The following USP25 variants were observed in gnomAD, a reference collection of about 807,000 sequenced individuals.
USP25 encodes the protein ubiquitin specific peptidase 25, also known as ubiquitin carboxyl-terminal hydrolase 25.
A neutral mutation model predicts 158.5 loss-of-function variants in USP25; 85 were observed. The observed-to-expected ratio is 0.54, with a 90% CI of 0.45 to 0.64. The LOEUF (loss-of-function observed/expected upper bound fraction) is 0.64. USP25 is among the 30% of genes least tolerant of loss of function. The probability of loss-of-function intolerance (pLI) is 0.00; values close to 1 mark genes in which losing one functional copy is unlikely to be tolerated. For missense variants in USP25, 1,242 were observed against 1,327.3 expected, an observed-to-expected ratio of 0.94 and a Z score of 1.00; for synonymous variants, 464 against 460.4, an observed-to-expected ratio of 1.01 and a Z score of -0.10.
intron 1 of USP25, among the ~76,000 whole-genome samples, chr21:15,759,521 AC>A (rs2033600846): frequency 6.6e-6 from 1 of 152,218 alleles, no homozygotes. Flanking sequence ...AGGTCTGGTC[AC>A]AGGGTGGCTT....
In USP25 at chr21:15,737,542, C is replaced by A. The variant is rs762221832; in HGVS notation, c.45+7104C>A. ...TCATCTTGAATCCTCTGTTCATCTT[C>A]CTGTTGATTTATTGCATCTATATCA... On this transcript the variant is annotated intron_variant, in intron 1 of 25. Coordinates refer to ENST00000400183, the MANE Select transcript of USP25 (RefSeq NM_001283041.3). 2.6e-5 allele frequency among the ~76,000 whole-genome samples: 4 copies of A among 152,074 alleles called. No individual in the cohort carries two copies. The East Asian group carries it at 7.7e-4, about 29-fold the overall frequency.
Position 15,877,938 on chromosome 21 carries a change from C to G in USP25, c.3152C>G (p.Ala1051Gly). ...GAAATGGAAGAAAAGGATATACTAG[C>G]TGTAGAAGATATGAGAAATCGATGG... ...VDEMEEKDIL[A>G]VEDMRNRWCS... The change falls in exon 25 of 26, where the codon GCT (alanine) becomes GGT (glycine). Residue 1051 changes from alanine to glycine, a missense_variant. Ala to Gly is a moderately conservative substitution (Grantham distance 60, BLOSUM62 0). Transcript: ENST00000400183. The G allele has an allele frequency of 6.2e-7, 1 of 1,613,276 alleles. No individual in the cohort carries two copies. Among genetic ancestry groups the G allele is most frequent in the Non-Finnish European group, 8.5e-7 (1 of 1,179,690 alleles).
chr21:15,782,317 G>T (rs1044143840), intron 4 of USP25, among the ~76,000 whole-genome samples: 5 of 152,204 alleles, frequency 3.3e-5, no homozygotes, highest in African/African-American at 1.2e-4. Context: ...TGTACCACTG[G>T]AGGATTGTGC....
chr21:15,755,042 A>C (rs2033284796), intron 1 of USP25, among the ~76,000 whole-genome samples: 1 of 152,208 alleles, frequency 6.6e-6, no homozygotes, highest in African/African-American at 2.4e-5. Flanking sequence ...CTTTAAAGAC[A>C]GTATAATGAA....
intron 21 of USP25, among the ~76,000 whole-genome samples, chr21:15,865,630 A>T (rs1357222380): frequency 6.6e-6 from 1 of 152,164 alleles, no homozygotes; most frequent in Non-Finnish European, 1.5e-5. Flanking sequence ...CAGTGTACTG[A>T]GTTCCATTGG....
At chr21:15,870,984 G>A (rs1028970163) in intron 23 of USP25, among the ~76,000 whole-genome samples, 2 of 152,082 alleles carry the variant, frequency 1.3e-5, no homozygotes, top group African/African-American at 2.4e-5. Context: ...CGGTTACACC[G>A]GCCACGTTTC....
intron 22 of USP25, among the ~76,000 whole-genome samples, chr21:15,869,829 TTTA>T (rs1377737627): frequency 3.9e-5 from 6 of 152,192 alleles, no homozygotes; most frequent in African/African-American, 1.4e-4. Flanking sequence ...TAGTAAAATC[TTTA>T]TTGTTTAAAA....
rs750185312 is a variant in USP25, at chr21:15,818,789, G to T, written c.1023G>T (p.Met341Ile). ...KDLHECLEAA[M>I]IEGEIESLHS... The stretch of plus-strand genomic sequence containing the variant: ...TGCATGAGTGCCTAGAAGCTGCAAT[G>T]ATTGAAGGAGAAATTGAGTCTTTAC... Residue 341 changes from methionine (M) to isoleucine (I), a missense_variant, in exon 10 of 26, where the codon ATG becomes ATT. Coordinates refer to ENST00000400183, the MANE Select transcript of USP25 (RefSeq NM_001283041.3). 1.2e-6 allele frequency: 2 copies of T among 1,613,944 alleles called. No individual in the cohort carries two copies. The highest frequency in any genetic ancestry group is 1.7e-6 in the Non-Finnish European group (2 of 1,179,854).
rs1404463634 is a variant in USP25 at position 15,878,415 on chromosome 21, C to G, written c.3318C>G (p.Leu1106=). ...TACCTTCATATTCCACGCATGAACT[C>G]TGTGAGCGATTTGCCCGAATCATGT... ...PKLPSYSTHE[L]CERFARIMLS... The change falls in exon 26 of 26, where the codon CTC becomes CTG. Residue 1106 remains leucine (L), a synonymous_variant. Transcript: ENST00000400183. 1 of 1,614,072 alleles carries G rather than the reference C, an allele frequency of 6.2e-7. No individual in the cohort carries two copies. The highest frequency in any genetic ancestry group is 1.3e-5 in the African/African-American group (1 of 75,044).
At chr21:15,804,721 C>G (rs1326544822) in intron 6 of USP25, among the ~76,000 whole-genome samples, 1 of 152,090 alleles carries the variant, frequency 6.6e-6, no homozygotes, top group African/African-American at 2.4e-5. Context: ...GCACTTAGAA[C>G]AGTGCCTGGC....
Position 15,877,931 on chromosome 21 carries a change from A to G in USP25, c.3145A>G (p.Ile1049Val). 1.2e-6 allele frequency: 2 copies of G among 1,613,782 alleles called. No homozygotes were observed. The highest frequency in any genetic ancestry group is 1.7e-5 in the Admixed American group (1 of 59,988). Residue 1049 changes from isoleucine (I) to valine (V), a missense_variant, in exon 25 of 26, where the codon ATA becomes GTA. Physicochemically the swap from Ile to Val is conservative, Grantham distance 29 (BLOSUM62 3). Around this residue, in one of 3 missense-constraint regions of USP25, gnomAD observed 608 missense variants for 605.2 expected, o/e 1.00. Coordinates refer to ENST00000400183, the MANE Select transcript of USP25 (RefSeq NM_001283041.3). ...LLVDEMEEKDILAVEDMRNRW... is the reference protein window; with the variant it reads ...LLVDEMEEKDVLAVEDMRNRW... ...GGTGGATGAAATGGAAGAAAAGGAT[A>G]TACTAGCTGTAGAAGATATGAGAAA... is the stretch of plus-strand genomic sequence containing the variant.
chr21:15,802,554 CA>C (rs943025075), intron 6 of USP25, among the ~76,000 whole-genome samples: 2 of 151,060 alleles, frequency 1.3e-5, no homozygotes, highest in Admixed American at 1.3e-4. Flanking sequence ...TCCCAAGGGA[CA>C]AAAAAACAAA....
At chr21:15,856,347 A>G (rs777602738) in intron 20 of USP25, among the ~76,000 whole-genome samples, 14 of 152,076 alleles carry the variant, frequency 9.2e-5, no homozygotes, top group Non-Finnish European at 1.9e-4. Context: ...CCTAATTCTC[A>G]CTCCACAGTG....
At chr21:15,752,826 GT>G (rs1460321615) in intron 1 of USP25, among the ~76,000 whole-genome samples, 1 of 152,146 alleles carries the variant, frequency 6.6e-6, no homozygotes, top group African/African-American at 2.4e-5. Flanking sequence ...GCCCATAGAG[GT>G]ATATGAGTAA....
intron 5 of USP25, among the ~76,000 whole-genome samples, chr21:15,795,906 TTTA>T (rs1381258579): frequency 1.3e-5 from 2 of 151,520 alleles, no homozygotes; most frequent in Non-Finnish European, 3.0e-5. Flanking sequence ...CCGAGGAGAA[TTTA>T]TCACGCTTCT....
Position 15,766,949 on chromosome 21 carries a change from T to G in USP25, c.268+808T>G, listed in dbSNP as rs2034073464. On this transcript the variant is annotated intron_variant, in intron 3 of 25. Coordinates refer to ENST00000400183, the MANE Select transcript of USP25 (RefSeq NM_001283041.3). This position sits in a 1 kb window ranked among gnomAD's most constrained non-coding sequence, Gnocchi z 4.0. ...AGAGTTCGTTTACATAGATGTTTAT[T>G]AATGTTTATTGATAAAATATTTTAA... Among the ~76,000 whole-genome samples, 1 of 152,122 alleles carries G rather than the reference T, an allele frequency of 6.6e-6. No individual in the cohort carries two copies. Among genetic ancestry groups the G allele is most frequent in the Non-Finnish European group, 1.5e-5 (1 of 67,970 alleles).
chr21:15,878,289 G>T lies in USP25; in HGVS notation c.3206-14G>T, dbSNP rs762926709. ...TTTCTATCTTTAGTTAGATTTAATT[G>T]TTTGTATTTGCAGCACACCTCCAAG... On this transcript the variant is annotated splice_polypyrimidine_tract_variant and intron_variant, in intron 25 of 25. Transcript: ENST00000400183. The T allele has an allele frequency of 6.2e-7, 1 of 1,604,156 alleles. No individual in the cohort carries two copies. Among genetic ancestry groups the T allele is most frequent in the Non-Finnish European group, 8.5e-7 (1 of 1,175,252 alleles).
intron 20 of USP25, among the ~76,000 whole-genome samples, chr21:15,855,349 A>G (rs1251323528): frequency 6.6e-6 from 1 of 152,108 alleles, no homozygotes; most frequent in Non-Finnish European, 1.5e-5. Context: ...TGTTTATTCA[A>G]TAGATATAAA....
intron 15 of USP25, among the ~76,000 whole-genome samples, chr21:15,831,190 C>A (rs1245584072): frequency 6.6e-6 from 1 of 151,878 alleles, no homozygotes; most frequent in East Asian, 1.9e-4. Context: ...AATCTATCAA[C>A]TTTGCATATC....
Sources: gnomAD v4.1 joint callset for allele counts (sites outside exome capture counted in the v4.1 genomes callset) on GRCh38, gnomAD v4.1.1 for gene constraint, gnomAD v4.1.1 regional missense constraint, Gnocchi (gnomAD v3.1) non-coding constraint, MANE v1.5 for transcripts, NCBI Gene and HGNC (gene_info 2026-07-23, HGNC 2026-07-21) for gene names.